The following CCDC178 variants were observed in gnomAD, a reference collection of about 807,000 sequenced individuals.
CCDC178 encodes the protein coiled-coil domain containing 178, also known as coiled-coil domain-containing protein 178.
In CCDC178, 126 loss-of-function variants were observed where a neutral mutation model predicts 117.4. The ratio of observed to expected loss-of-function variants is 1.07; its 90% CI spans 0.93 to 1.24. The LOEUF (loss-of-function observed/expected upper bound fraction) is 1.24, where lower values mean the gene tolerates loss of function less well. Ranked by LOEUF, CCDC178 falls within the 50% of genes most tolerant of loss-of-function variation. The pLI, the probability that CCDC178 is intolerant of heterozygous loss-of-function variation, is 0.00. For synonymous variants in CCDC178, 283 were observed against 313.4 expected, an observed-to-expected ratio of 0.90 and a Z score of 1.02; for missense variants, 1,030 against 986.9, an observed-to-expected ratio of 1.04 and a Z score of -0.59.
chr18:33,348,853 A>G, intron 8 of CCDC178, 37 bp downstream of exon 8: 1 of 1,287,802 alleles, frequency 7.8e-7, no homozygotes, highest in Non-Finnish European at 1.1e-6. Context: ...GAACTTTTAA[A>G]TATATACAGT....
intron 12 of CCDC178, among the ~76,000 whole-genome samples, chr18:33,277,202 C>T (rs535419436): frequency 1.3e-5 from 2 of 151,750 alleles, no homozygotes; most frequent in South Asian, 4.2e-4. Context: ...CCTGGAAAAC[C>T]CCAGATAAAC....
chr18:33,135,692 G>A (rs949705489), intron 20 of CCDC178, among the ~76,000 whole-genome samples: 1 of 152,136 alleles, frequency 6.6e-6, no homozygotes, highest in African/African-American at 2.4e-5. Flanking sequence ...CAATGCTATT[G>A]AATGAACTTG....
At chr18:32,958,012 A>C (rs1191466984) in intron 22 of CCDC178, 10 of 308,128 alleles carry the variant, frequency 3.2e-5, no homozygotes, top group Admixed American at 1.0e-4. Flanking sequence ...CTTTGTCAGC[A>C]ACATTCATTT....
At chr18:32,990,898 A>G (rs1372995338) in intron 21 of CCDC178, among the ~76,000 whole-genome samples, 1 of 151,892 alleles carries the variant, frequency 6.6e-6, no homozygotes, top group Non-Finnish European at 1.5e-5. Context: ...TTTTTTCACA[A>G]GAGAAAACAC....
At chr18:33,232,250 T>G (rs2059376022) in intron 15 of CCDC178, among the ~76,000 whole-genome samples, 1 of 152,086 alleles carries the variant, frequency 6.6e-6, no homozygotes, top group African/African-American at 2.4e-5. Context: ...TGGAATAGAT[T>G]CCTGTACTAG....
chr18:33,264,319 A>G (rs1277264753), intron 14 of CCDC178, among the ~76,000 whole-genome samples: 1 of 152,072 alleles, frequency 6.6e-6, no homozygotes, highest in Non-Finnish European at 1.5e-5. Context: ...CTATTTTGAT[A>G]TATGAATTGG....
chr18:33,186,472 C>T (rs1307497770), intron 20 of CCDC178, among the ~76,000 whole-genome samples: 1 of 152,018 alleles, frequency 6.6e-6, no homozygotes, highest in African/African-American at 2.4e-5. Flanking sequence ...GTGACCAAAA[C>T]ATAGTCAAAG....
intron 21 of CCDC178, among the ~76,000 whole-genome samples, chr18:33,021,124 T>C (rs893139205): frequency 6.6e-6 from 1 of 152,204 alleles, no homozygotes; most frequent in Non-Finnish European, 1.5e-5. Flanking sequence ...CATAGGTTCA[T>C]TAATTGAAGC....
intron 22 of CCDC178, among the ~76,000 whole-genome samples, chr18:32,951,933 G>A (rs972132715): frequency 6.6e-6 from 1 of 152,148 alleles, no homozygotes; most frequent in South Asian, 2.1e-4. Flanking sequence ...ATCCAATAGG[G>A]CAGTCATTAA....
chr18:33,066,500 T>A (rs2057019304), intron 21 of CCDC178, among the ~76,000 whole-genome samples: 1 of 152,128 alleles, frequency 6.6e-6, no homozygotes, highest in African/African-American at 2.4e-5. Flanking sequence ...TCCCCATGTA[T>A]CAATAATAAC....
chr18:33,388,861 C>T (rs1176996430), intron 5 of CCDC178, among the ~76,000 whole-genome samples: 1 of 151,972 alleles, frequency 6.6e-6, no homozygotes, highest in Non-Finnish European at 1.5e-5. Context: ...AACTGGAAGC[C>T]ATTATCCTCA....
At chr18:33,371,305 A>G (rs1406500270) in intron 5 of CCDC178, among the ~76,000 whole-genome samples, 1 of 151,952 alleles carries the variant, frequency 6.6e-6, no homozygotes, top group Non-Finnish European at 1.5e-5. Flanking sequence ...GTATATATAT[A>G]TAAATGACCT....
At chr18:33,105,165 G>C (rs1400355385) in intron 20 of CCDC178, among the ~76,000 whole-genome samples, 1 of 151,568 alleles carries the variant, frequency 6.6e-6, no homozygotes, top group East Asian at 1.9e-4. Flanking sequence ...ACTAAATATT[G>C]TGCATACATA....
At chr18:33,332,042 T>C (rs2062676338) in intron 10 of CCDC178, among the ~76,000 whole-genome samples, 1 of 152,194 alleles carries the variant, frequency 6.6e-6, no homozygotes. Flanking sequence ...TGATGGAACA[T>C]TGTAAGTAAA....
chr18:33,145,803 C>T (rs1156646513), intron 20 of CCDC178, among the ~76,000 whole-genome samples: 3 of 152,150 alleles, frequency 2.0e-5, no homozygotes, highest in Admixed American at 6.5e-5. Flanking sequence ...GAAAATGAAC[C>T]AGTGCCCTTT....
chr18:33,337,430 C>T lies in CCDC178; in HGVS notation c.659-4036G>A, dbSNP rs187403652. ...TCTTGTCTGATTGCTCTGGCTAGGA[C>T]TTCCAGTACTATGTTGAATAAAAGT... On this transcript the variant is annotated intron_variant, in intron 9 of 22. Coordinates refer to ENST00000383096, the MANE Select transcript of CCDC178 (RefSeq NM_001105528.4). Among the ~76,000 whole-genome samples, 221 of 152,108 alleles carry T rather than the reference C, an allele frequency of 1.5e-3. 2 individuals are homozygous for T. Among genetic ancestry groups the T allele is most frequent in the African/African-American group, 5.1e-3 (213 of 41,502 alleles).
chr18:33,338,939 A>G (rs1568159349), intron 9 of CCDC178, among the ~76,000 whole-genome samples: 2 of 152,142 alleles, frequency 1.3e-5, no homozygotes, highest in Admixed American at 1.3e-4. Context: ...ATTAGCCTTA[A>G]CAGAAGTTTT....
At chr18:33,246,125 T>A (rs1234783267) in intron 14 of CCDC178, among the ~76,000 whole-genome samples, 1 of 151,916 alleles carries the variant, frequency 6.6e-6, no homozygotes, top group Non-Finnish European at 1.5e-5. Context: ...TTAGTAGGCT[T>A]ATAATAATAT....
At chr18:33,291,371 T>A (rs947675921) in intron 12 of CCDC178, among the ~76,000 whole-genome samples, 4 of 152,074 alleles carry the variant, frequency 2.6e-5, no homozygotes, top group African/African-American at 9.7e-5. Context: ...TACAAATCAG[T>A]GAGATGACAC....
Sources: gnomAD v4.1 joint callset for allele counts (sites outside exome capture counted in the v4.1 genomes callset) on GRCh38, gnomAD v4.1.1 for gene constraint, MANE v1.5 for transcripts, NCBI Gene and HGNC (gene_info 2026-07-23, HGNC 2026-07-21) for gene names.